The following ZNF407 variants were observed in gnomAD, a reference collection of about 807,000 sequenced individuals.
ZNF407 encodes zinc finger protein 407.
In ZNF407, 17 loss-of-function variants were observed where a neutral mutation model predicts 131.2. The ratio of observed to expected loss-of-function variants is 0.13; its 90% CI spans 0.09 to 0.19. The LOEUF is 0.19. ZNF407 is among the 10% of genes least tolerant of loss of function. The pLI, the probability that ZNF407 is intolerant of heterozygous loss-of-function variation, is 1.00. For synonymous variants in ZNF407, 1,156 were observed against 1,062.0 expected (o/e 1.09, Z -1.72); for missense variants, 2,681 against 2,830.6 (o/e 0.95, Z 1.20).
intron 3 of ZNF407, among the ~76,000 whole-genome samples, chr18:74,757,766 T>A (rs1232856255): frequency 1.3e-5 from 2 of 152,148 alleles, no homozygotes; most frequent in African/African-American, 2.4e-5. Flanking sequence ...ATTGTTGAAA[T>A]TTCTGCTTCA....
intron 4 of ZNF407, among the ~76,000 whole-genome samples, chr18:74,821,160 T>C (rs1323003311): frequency 6.6e-6 from 1 of 151,834 alleles, no homozygotes; most frequent in African/African-American, 2.4e-5. Flanking sequence ...GCTGTGTTTG[T>C]CATTAAAAAT....
chr18:74,681,671 T>G (rs974284718), intron 3 of ZNF407, among the ~76,000 whole-genome samples: 1 of 152,218 alleles, frequency 6.6e-6, no homozygotes, highest in Non-Finnish European at 1.5e-5. Flanking sequence ...TATGCTATTA[T>G]TGGAATAATT....
At chr18:74,715,766 A>G (rs947246206) in intron 3 of ZNF407, among the ~76,000 whole-genome samples, 1 of 152,212 alleles carries the variant, frequency 6.6e-6, no homozygotes, top group Non-Finnish European at 1.5e-5. Flanking sequence ...TTGATGACTC[A>G]GGATTATCAT....
intron 4 of ZNF407, among the ~76,000 whole-genome samples, chr18:74,811,937 C>T (rs918827642): frequency 2.0e-5 from 3 of 151,122 alleles, no homozygotes; most frequent in Middle Eastern, 3.2e-3. Context: ...TGCTAAATGA[C>T]GAGTTAATGG....
chr18:74,750,617 T>A lies in ZNF407; in HGVS notation c.4803-30811T>A, dbSNP rs540328716. On this transcript the variant is annotated intron_variant, in intron 3 of 8. Coordinates refer to ENST00000299687, the MANE Select transcript of ZNF407 (RefSeq NM_017757.3). The stretch of plus-strand genomic sequence containing the variant: ...CGTTTGGTATTCACCCGTTCATCAT[T>A]TCATGGTCATCAGGATGATTTTCAC... Among the ~76,000 whole-genome samples, 82 of 152,290 alleles carry A rather than the reference T, an allele frequency of 5.4e-4. 1 individual carries two copies. The highest frequency in any genetic ancestry group is 3.4e-3 in the Middle Eastern group (1 of 294).
At chr18:74,873,583 C>A (rs1971116403) in intron 4 of ZNF407, among the ~76,000 whole-genome samples, 1 of 152,026 alleles carries the variant, frequency 6.6e-6, no homozygotes, top group African/African-American at 2.4e-5. Context: ...GAAATCCTGC[C>A]AGGTGAGGTG....
At chr18:74,767,014 C>T (rs888671514) in intron 3 of ZNF407, among the ~76,000 whole-genome samples, 14 of 152,272 alleles carry the variant, frequency 9.2e-5, no homozygotes, top group African/African-American at 2.6e-4. Context: ...CAGCTTCAAG[C>T]GATTCTCCTG....
At chr18:74,616,924 C>G (rs1983321247) in intron 1 of ZNF407, among the ~76,000 whole-genome samples, 38 of 18,900 alleles carry the variant, frequency 2.0e-3, no homozygotes, top group Non-Finnish European at 2.4e-3. Context: ...TATCCACGCA[C>G]CATACACATC....
In ZNF407 at chr18:74,889,979, T is replaced by C. The variant is rs775921864; in HGVS notation, c.5190T>C (p.Thr1730=). The C allele has an allele frequency of 1.9e-6, 3 of 1,608,730 alleles. No individual in the cohort carries two copies. The South Asian group carries it at 3.3e-5, about 18-fold the overall frequency. ...CCTCCACAACTCAGTCCCATTTGAC[T>C]CGGCATAAACGTGTCCACACTGGAG... ...NFASTTQSHL[T]RHKRVHTGEK... is the part of the protein sequence containing the mutation. Residue 1730 remains threonine (T), a synonymous_variant, in exon 7 of 9, where the codon ACT becomes ACC. Coordinates refer to ENST00000299687, the MANE Select transcript of ZNF407 (RefSeq NM_017757.3).
At chr18:74,755,098 A>G (rs1031172822) in intron 3 of ZNF407, among the ~76,000 whole-genome samples, 3 of 152,190 alleles carry the variant, frequency 2.0e-5, no homozygotes, top group East Asian at 1.9e-4. Flanking sequence ...CTTTACCATT[A>G]TGTAATGGCC....
At chr18:74,706,762 C>G (rs946199740) in intron 3 of ZNF407, among the ~76,000 whole-genome samples, 2 of 152,138 alleles carry the variant, frequency 1.3e-5, no homozygotes, top group Non-Finnish European at 2.9e-5. Flanking sequence ...ATTTGACCTT[C>G]ATAAGGCCTA....
intron 3 of ZNF407, among the ~76,000 whole-genome samples, chr18:74,724,747 C>A (rs907251967): frequency 6.6e-6 from 1 of 152,108 alleles, no homozygotes. Flanking sequence ...TAATGCTTTC[C>A]ATGTTGGTTG....
chr18:74,829,527 G>A (rs1970453957), intron 4 of ZNF407, among the ~76,000 whole-genome samples: 1 of 152,150 alleles, frequency 6.6e-6, no homozygotes, highest in African/African-American at 2.4e-5. Context: ...ATTTCTGTAG[G>A]TCTAATTTGG....
At chr18:75,060,625 C>A (rs1441070303) in intron 8 of ZNF407, among the ~76,000 whole-genome samples, 1 of 151,338 alleles carries the variant, frequency 6.6e-6, no homozygotes, top group Non-Finnish European at 1.5e-5. Context: ...CCTGCCTCAG[C>A]CTCCCGAGTA....
intron 8 of ZNF407, among the ~76,000 whole-genome samples, chr18:75,039,103 G>A (rs1973343129): frequency 1.3e-5 from 2 of 152,326 alleles, no homozygotes; most frequent in African/African-American, 4.8e-5. Context: ...AGTGAATTAA[G>A]CAGGCTTACC....
At chr18:74,921,129 A>G (rs1971841307) in intron 8 of ZNF407, 1 of 612,552 alleles carries the variant, frequency 1.6e-6, no homozygotes, top group Non-Finnish European at 2.0e-6. Context: ...TGCGACCACG[A>G]CCACGGAGTC....
chr18:74,976,418 T>C (rs1386765695), intron 8 of ZNF407, among the ~76,000 whole-genome samples: 1 of 152,230 alleles, frequency 6.6e-6, no homozygotes, highest in Non-Finnish European at 1.5e-5. Flanking sequence ...GGTTTCTCTG[T>C]ACAGGTCCAG....
chr18:74,710,183 G>A (rs1290204810), intron 3 of ZNF407, among the ~76,000 whole-genome samples: 1 of 152,072 alleles, frequency 6.6e-6, no homozygotes, highest in African/African-American at 2.4e-5. Context: ...CATGATTTTT[G>A]CACATTACCT....
intron 8 of ZNF407, among the ~76,000 whole-genome samples, chr18:75,013,168 T>C (rs1042134861): frequency 1.3e-5 from 2 of 152,132 alleles, no homozygotes; most frequent in African/African-American, 4.8e-5. Context: ...TCAGGATGCA[T>C]ATTTAATGCC....
Sources: allele counts gnomAD v4.1 joint callset (sites outside exome capture counted in the v4.1 genomes callset), GRCh38; gene constraint gnomAD v4.1.1; transcripts MANE v1.5; gene names NCBI Gene and HGNC (gene_info 2026-07-23, HGNC 2026-07-21).